The following AREL1 variants were observed in gnomAD, a reference collection of about 807,000 sequenced individuals.
AREL1 encodes apoptosis resistant E3 ubiquitin protein ligase 1.
A neutral mutation model predicts 99.0 loss-of-function variants in AREL1; 62 were observed. The observed-to-expected ratio is 0.63, with a 90% CI of 0.51 to 0.77. The LOEUF (loss-of-function observed/expected upper bound fraction) is 0.77, where lower values mean the gene tolerates loss of function less well. AREL1 is among the 30% of genes least tolerant of loss of function. The pLI, the probability that AREL1 is intolerant of heterozygous loss-of-function variation, is 0.00. For missense variants in AREL1, 879 were observed against 1,027.6 expected (o/e 0.86, Z 1.98); for synonymous variants, 380 against 376.5 (o/e 1.01, Z -0.11).
intron 12 of AREL1, 31 bp downstream of exon 12, chr14:74,671,377 A>T: frequency 8.6e-7 from 1 of 1,156,342 alleles, no homozygotes; most frequent in Non-Finnish European, 1.2e-6. Flanking sequence ...AGGAGAGTTC[A>T]AAAAGATGAA....
chr14:74,676,017 T>C (rs991186618), intron 7 of AREL1, 71 bp from the exon 8 acceptor site: 3 of 1,540,962 alleles, frequency 1.9e-6, no homozygotes, highest in African/African-American at 2.8e-5. Context: ...CACAGGCTTT[T>C]AGTCCACAGG....
intron 17 of AREL1, among the ~76,000 whole-genome samples, chr14:74,666,305 T>C (rs2089207927): frequency 1.3e-5 from 2 of 152,214 alleles, no homozygotes; most frequent in African/African-American, 4.8e-5. Flanking sequence ...CACTGCACCA[T>C]TTTGTACTGA....
chr14:74,692,659 T>C (rs1208817821), intron 1 of AREL1, among the ~76,000 whole-genome samples: 1 of 152,188 alleles, frequency 6.6e-6, no homozygotes, highest in Non-Finnish European at 1.5e-5. Context: ...TGATTCAGCA[T>C]AGAGGTTAAG....
chr14:74,685,666 A>T lies in AREL1; in HGVS notation c.-45-6T>A. The T allele has an allele frequency of 6.2e-7, 1 of 1,612,812 alleles. No individual in the cohort carries two copies. ...GCCGAGGATCACAGCTGCAGCTGTTAAAAGAAAACTTGTTTAGTTTTTGTC... is the reference window on the plus strand; with the variant it reads ...GCCGAGGATCACAGCTGCAGCTGTTTAAAGAAAACTTGTTTAGTTTTTGTC... On this transcript the variant is annotated splice_polypyrimidine_tract_variant and splice_region_variant and intron_variant, in intron 2 of 19. Transcript: ENST00000356357.
Position 74,662,703 on chromosome 14 carries a change from A to G in AREL1, c.*1017T>C, listed in dbSNP as rs959223499. The G allele has an allele frequency of 7.5e-6, 3 of 398,256 alleles. No homozygotes were observed. The highest frequency in any genetic ancestry group is 6.2e-5 in the African/African-American group (3 of 48,618). The allele number at this position is 398,256 out of a possible 1,614,324, so 24.7% of individuals were successfully genotyped here. A position where few individuals can be genotyped will look rare whatever the true frequency, so the allele number is the denominator to read the frequency against. The stretch of plus-strand genomic sequence containing the variant: ...ACCTGTGATAAGCACGTAAACTCCT[A>G]GTCCCTGTTCCTTTGTCTTAGTGCT... On this transcript the variant is annotated 3_prime_UTR_variant, in exon 20 of 20. Transcript: ENST00000356357.
intron 1 of AREL1, among the ~76,000 whole-genome samples, chr14:74,710,567 T>G (rs977468889): frequency 6.6e-6 from 1 of 152,194 alleles, no homozygotes; most frequent in African/African-American, 2.4e-5. Context: ...AATAAAAAGC[T>G]TATTGTCTAA....
chr14:74,688,389 G>A (rs528560465), intron 2 of AREL1, among the ~76,000 whole-genome samples: 1 of 152,274 alleles, frequency 6.6e-6, no homozygotes, highest in Admixed American at 6.5e-5. Flanking sequence ...CCACAGTCCA[G>A]TTATCATGAA....
In AREL1 at chr14:74,670,816, T is replaced by G. The variant is rs760214212; in HGVS notation, c.1554A>C (p.Leu518=). The change falls in exon 13 of 20, where the codon CTA becomes CTC. Residue 518 remains leucine, a synonymous_variant. Transcript: ENST00000356357. ...REWFELICKA[L]FDTTNQLFTR... is the part of the protein sequence containing the mutation. ...TGAAGAGCTGATTGGTGGTATCAAATAGTGCTTTGCAGATTAGCTCAAACC... is the reference window on the plus strand; with the variant it reads ...TGAAGAGCTGATTGGTGGTATCAAAGAGTGCTTTGCAGATTAGCTCAAACC... 6 of 1,614,144 alleles carry G rather than the reference T, an allele frequency of 3.7e-6. No individual in the cohort carries two copies. In the South Asian group the frequency reaches 6.6e-5, roughly 18 times the overall value.
intron 9 of AREL1, 130 bp from the exon 10 acceptor site, chr14:74,673,348 G>T: frequency 1.2e-6 from 1 of 853,370 alleles, no homozygotes; most frequent in Non-Finnish European, 1.7e-6. Context: ...GGACCTACCA[G>T]AAATACATTT....
At chr14:74,668,681 T>C (rs1367655603) in intron 15 of AREL1, among the ~76,000 whole-genome samples, 1 of 152,116 alleles carries the variant, frequency 6.6e-6, no homozygotes, top group African/African-American at 2.4e-5. Flanking sequence ...AATCCCATAA[T>C]TTCCAGAAAG....
intron 1 of AREL1, among the ~76,000 whole-genome samples, chr14:74,699,088 T>C (rs1429811625): frequency 6.6e-6 from 1 of 152,126 alleles, no homozygotes; most frequent in Non-Finnish European, 1.5e-5. Context: ...CATGTAGTGG[T>C]TAAGAGCATG....
intron 15 of AREL1, among the ~76,000 whole-genome samples, chr14:74,669,188 G>T (rs372127621): frequency 2.4e-4 from 37 of 152,218 alleles, no homozygotes; most frequent in African/African-American, 8.9e-4. Context: ...GAGCCACTGC[G>T]CCCAGCCAAA....
intron 11 of AREL1, 56 bp from the exon 12 acceptor site, chr14:74,671,539 T>C: frequency 2.4e-6 from 3 of 1,237,796 alleles, no homozygotes; most frequent in South Asian, 1.3e-5. Context: ...GTCCTCTGGA[T>C]GTTAAAGACA....
intron 2 of AREL1, among the ~76,000 whole-genome samples, chr14:74,686,840 C>T (rs182498431): frequency 6.6e-6 from 1 of 152,300 alleles, no homozygotes; most frequent in East Asian, 1.9e-4. Flanking sequence ...ACACTGGGAA[C>T]ATTAGAATTG....
chr14:74,679,662 A>G (rs996742566), intron 5 of AREL1, among the ~76,000 whole-genome samples: 8 of 151,950 alleles, frequency 5.3e-5, no homozygotes, highest in African/African-American at 1.7e-4. Context: ...CCCCATCTCT[A>G]CTAAAAACAC....
At position 74,683,401 on chromosome 14, in the gene AREL1, C is replaced by G. The variant is rs924429164; in HGVS notation, c.376G>C (p.Val126Leu). ...EVLQEPNSNV[V>L]KVAFTVRKAG... ...TTGCGCACAGTGAAGGCCACTTTTACTACGTTGGAATTGGGCTCCTGAAGG... is the reference window on the plus strand; with the variant it reads ...TTGCGCACAGTGAAGGCCACTTTTAGTACGTTGGAATTGGGCTCCTGAAGG... The change falls in exon 5 of 20, where the codon GTA becomes CTA. Residue 126 changes from valine to leucine, a missense_variant. Coordinates refer to ENST00000356357, the MANE Select transcript of AREL1 (RefSeq NM_001039479.2). 7 of 1,614,122 alleles carry G rather than the reference C, an allele frequency of 4.3e-6. No homozygotes were observed. The highest frequency in any genetic ancestry group is 5.9e-6 in the Non-Finnish European group (7 of 1,180,022).
At chr14:74,689,275 T>C (rs1166693988) in intron 2 of AREL1, among the ~76,000 whole-genome samples, 2 of 152,162 alleles carry the variant, frequency 1.3e-5, no homozygotes, top group Non-Finnish European at 2.9e-5. Context: ...CTGCTACCCC[T>C]ACCCCACGCT....
At chr14:74,680,941 G>C (rs1033977191) in intron 5 of AREL1, among the ~76,000 whole-genome samples, 1 of 152,140 alleles carries the variant, frequency 6.6e-6, no homozygotes, top group African/African-American at 2.4e-5. Context: ...CCAGCACCTT[G>C]GGAGGCCAAG....
chr14:74,664,034 T>G lies in AREL1; in HGVS notation c.2234A>C (p.Gln745Pro), dbSNP rs2089150867. The change falls in exon 19 of 20, where the codon CAG (glutamine) becomes CCG (proline). Residue 745 changes from glutamine (Q) to proline (P), a missense_variant. Coordinates refer to ENST00000356357, the MANE Select transcript of AREL1 (RefSeq NM_001039479.2). Reference protein sequence around the residue: ...WFWTVVSSLTQEELARLLQFT... With the variant: ...WFWTVVSSLTPEELARLLQFT... ...CTGAAGTAGCCGAGCCAACTCCTCCTGGGTCAGACTGGAAACCACAGTCCA... is the reference window on the plus strand; with the variant it reads ...CTGAAGTAGCCGAGCCAACTCCTCCGGGGTCAGACTGGAAACCACAGTCCA... 1 of 1,614,086 alleles carries G rather than the reference T, an allele frequency of 6.2e-7. No homozygotes were observed. The highest frequency in any genetic ancestry group is 1.7e-5 in the Admixed American group (1 of 60,016).
Sources: gnomAD v4.1 joint callset for allele counts (sites outside exome capture counted in the v4.1 genomes callset) on GRCh38, gnomAD v4.1.1 for gene constraint, MANE v1.5 for transcripts, NCBI Gene and HGNC (gene_info 2026-07-23, HGNC 2026-07-21) for gene names.